TOGARAM1: variants seen among roughly 807,000 people sequenced by gnomAD.
TOGARAM1 encodes TOG array regulator of axonemal microtubules 1, also known as TOG array regulator of axonemal microtubules protein 1.
In TOGARAM1, 100 loss-of-function variants were observed where a neutral mutation model predicts 166.6. That is an observed-to-expected ratio of 0.60 (90% CI 0.51 to 0.71). The LOEUF is 0.71. TOGARAM1 is among the 30% of genes least tolerant of loss of function. The pLI, the probability that TOGARAM1 is intolerant of heterozygous loss-of-function variation, is 0.00. For synonymous variants in TOGARAM1, 758 were observed against 763.8 expected (o/e 0.99, Z 0.13); for missense variants, 2,029 against 2,102.7 (o/e 0.96, Z 0.69).
intron 4 of TOGARAM1, 150 bp from the exon 5 acceptor site, chr14:45,005,858 G>A: frequency 1.9e-6 from 1 of 536,954 alleles, no homozygotes; most frequent in South Asian, 4.0e-5. Context: ...TGTATCGAAA[G>A]CCGAGGCTTT....
Position 44,963,109 on chromosome 14 carries a change from C to A in TOGARAM1, c.688C>A (p.Leu230Ile), listed in dbSNP as rs748581640. Residue 230 changes from leucine (L) to isoleucine (I), a missense_variant, in exon 1 of 20, where the codon CTT becomes ATT. Around this residue, in one of 2 missense-constraint regions of TOGARAM1, gnomAD observed 1,453 missense variants for 1,432.2 expected, o/e 1.01. Transcript: ENST00000361462. ...AGGACTGGAAAGTACCGATGCCCGA[C>A]TTAGAGCTTCCACAGCACTACTGCT... ...QQGLESTDAR[L>I]RASTALLLPI... The A allele has an allele frequency of 1.9e-6, 3 of 1,614,198 alleles. No homozygotes were observed. Among genetic ancestry groups the A allele is most frequent in the Middle Eastern group, 1.6e-4 (1 of 6,062 alleles).
At chr14:45,018,691 A>G (rs1880305059) in intron 7 of TOGARAM1, among the ~76,000 whole-genome samples, 1 of 152,214 alleles carries the variant, frequency 6.6e-6, no homozygotes, top group African/African-American at 2.4e-5. Context: ...TTAGTCTATA[A>G]TATAGTTTAG....
At chr14:45,009,417 T>C (rs747198765) in intron 6 of TOGARAM1, among the ~76,000 whole-genome samples, 24 of 152,232 alleles carry the variant, frequency 1.6e-4, no homozygotes, top group Non-Finnish European at 2.6e-4. Flanking sequence ...TCTTTTTGTC[T>C]AGGATTTATC....
intron 1 of TOGARAM1, among the ~76,000 whole-genome samples, chr14:44,969,443 C>T (rs775067293): frequency 6.6e-6 from 1 of 152,120 alleles, no homozygotes; most frequent in East Asian, 1.9e-4. Context: ...CAAGCTACCA[C>T]GCCTGGCCTA....
chr14:45,072,183 C>A (rs1005911282), intron 19 of TOGARAM1, among the ~76,000 whole-genome samples: 1 of 152,148 alleles, frequency 6.6e-6, no homozygotes, highest in African/African-American at 2.4e-5. Context: ...AATTCTCAGG[C>A]AAAATGCTAG....
At chr14:44,997,802 CAA>C (rs887579167) in intron 2 of TOGARAM1, among the ~76,000 whole-genome samples, 2 of 126,270 alleles carry the variant, frequency 1.6e-5, no homozygotes, top group Non-Finnish European at 3.4e-5. Context: ...GACTCCGTCT[CAA>C]AAAAAAAAAA....
chr14:45,011,913 G>C, intron 6 of TOGARAM1, 62 bp from the exon 7 acceptor site: 1 of 1,115,052 alleles, frequency 9.0e-7, no homozygotes, highest in South Asian at 1.5e-5. Context: ...GACAATATGT[G>C]ATGTGAGTAT....
chr14:45,073,353 T>C lies in TOGARAM1; in HGVS notation c.5114T>C (p.Val1705Ala). The change falls in exon 20 of 20, where the codon GTT becomes GCT. Residue 1705 changes from valine to alanine, a missense_variant. Val to Ala is a moderately conservative substitution (Grantham distance 64, BLOSUM62 0). This residue lies in a region of TOGARAM1 where 576 missense variants were observed against 670.5 expected (regional missense o/e 0.86). Transcript: ENST00000361462. ...KPHATEQKVL[V>A]VLWHLLGNMT... ...CATGCCACAGAGCAGAAAGTGTTGGTTGTTTTATGGCATCTCTTAGGAAAT... is the reference window on the plus strand; with the variant it reads ...CATGCCACAGAGCAGAAAGTGTTGGCTGTTTTATGGCATCTCTTAGGAAAT... 1 of 1,614,186 alleles carries C rather than the reference T, an allele frequency of 6.2e-7. No homozygotes were observed. The highest frequency in any genetic ancestry group is 1.3e-5 in the African/African-American group (1 of 75,056).
In TOGARAM1 at chr14:45,008,895, G is replaced by T. The variant is rs1159051456; in HGVS notation, c.2905-18G>T. 1.3e-6 allele frequency: 2 copies of T among 1,573,520 alleles called. No individual in the cohort carries two copies. Among genetic ancestry groups the T allele is most frequent in the East Asian group, 4.5e-5 (2 of 44,596 alleles). On this transcript the variant is annotated intron_variant, in intron 5 of 19. Coordinates refer to ENST00000361462, the MANE Select transcript of TOGARAM1 (RefSeq NM_001308120.2). ...AGGAATTTATGTTATAAAGTTTATT[G>T]TTTTCATTTTTTCTTAGATGCATAG...
chr14:45,016,308 A>G (rs1171713760), intron 7 of TOGARAM1, among the ~76,000 whole-genome samples: 6 of 152,146 alleles, frequency 3.9e-5, no homozygotes, highest in African/African-American at 1.4e-4. Context: ...AAGTGGGAAG[A>G]TTGCTTGAGC....
intron 7 of TOGARAM1, among the ~76,000 whole-genome samples, chr14:45,020,304 A>G (rs1880421972): frequency 6.6e-6 from 1 of 152,202 alleles, no homozygotes; most frequent in African/African-American, 2.4e-5. Context: ...TCCCCTAAAA[A>G]TAAACAGGTT....
rs375509272 is a variant in TOGARAM1, at chr14:45,004,424, A to G, written c.2644+58A>G. ...TGTTTGAATTAGTACTTTGAAGTTA[A>G]TGCATAGGGCTGTTAGATCTTTAAA... On this transcript the variant is annotated intron_variant, in intron 4 of 19. Coordinates refer to ENST00000361462, the MANE Select transcript of TOGARAM1 (RefSeq NM_001308120.2). The G allele has an allele frequency of 5.4e-5, 75 of 1,393,500 alleles. 1 individual carries two copies. The East Asian group carries it at 1.4e-3, about 27-fold the overall frequency. 86.3% of individuals were successfully genotyped at this position (1,393,500 alleles called of 1,614,324 possible).
intron 6 of TOGARAM1, among the ~76,000 whole-genome samples, chr14:45,010,436 C>A (rs1879721449): frequency 6.6e-6 from 1 of 152,088 alleles, no homozygotes; most frequent in South Asian, 2.1e-4. Flanking sequence ...ATATTTTTAG[C>A]TTTTAGAGCT....
At chr14:45,040,114 TG>T (rs953589486) in intron 11 of TOGARAM1, among the ~76,000 whole-genome samples, 1 of 152,262 alleles carries the variant, frequency 6.6e-6, no homozygotes, top group African/African-American at 2.4e-5. Flanking sequence ...TTATAAATTT[TG>T]TTCTCTGGAA....
intron 11 of TOGARAM1, among the ~76,000 whole-genome samples, chr14:45,032,859 A>G (rs1380314444): frequency 2.6e-5 from 4 of 152,110 alleles, no homozygotes; most frequent in East Asian, 1.9e-4. Context: ...TTCCTTCACT[A>G]TCTCTCATTA....
intron 14 of TOGARAM1, among the ~76,000 whole-genome samples, 176 bp downstream of exon 14, chr14:45,046,879 A>G (rs1222935986): frequency 6.6e-6 from 1 of 152,158 alleles, no homozygotes; most frequent in Non-Finnish European, 1.5e-5. Flanking sequence ...GGGAGTGCAC[A>G]GTGAATTCTC....
chr14:44,972,960 G>T (rs1419760206), intron 1 of TOGARAM1, among the ~76,000 whole-genome samples: 1 of 152,084 alleles, frequency 6.6e-6, no homozygotes, highest in Non-Finnish European at 1.5e-5. Context: ...GCTTAAAGTG[G>T]CAGTCTTGAA....
intron 14 of TOGARAM1, among the ~76,000 whole-genome samples, chr14:45,050,411 C>T (rs1279616493): frequency 6.6e-6 from 1 of 152,076 alleles, no homozygotes; most frequent in African/African-American, 2.4e-5. Flanking sequence ...TGTCACCATG[C>T]CTGGCTAAGT....
chr14:44,982,085 C>T (rs2138760039), intron 1 of TOGARAM1, among the ~76,000 whole-genome samples: 1 of 152,146 alleles, frequency 6.6e-6, no homozygotes, highest in East Asian at 1.9e-4. Context: ...TCAGTGTGAT[C>T]CTCCCACCTC....
Sources: gnomAD v4.1 joint callset for allele counts (sites outside exome capture counted in the v4.1 genomes callset) on GRCh38, gnomAD v4.1.1 for gene constraint, gnomAD v4.1.1 regional missense constraint, MANE v1.5 for transcripts, NCBI Gene and HGNC (gene_info 2026-07-23, HGNC 2026-07-21) for gene names.